The following B4GALNT3 variants were observed in gnomAD, a reference collection of about 807,000 sequenced individuals.
The protein encoded by B4GALNT3 is beta-1,4-N-acetylgalactosaminyltransferase 3.
B4GALNT3 carries 86 observed loss-of-function variants against 120.2 expected under a neutral mutation model. The observed-to-expected ratio is 0.72, with a 90% CI of 0.60 to 0.86. The LOEUF is 0.86. Ranked by LOEUF, B4GALNT3 falls within the 40% of genes least tolerant of loss-of-function variation. The probability of loss-of-function intolerance (pLI) is 0.00; values close to 1 mark genes in which losing one functional copy is unlikely to be tolerated. For synonymous variants in B4GALNT3, 518 were observed against 510.4 expected (o/e 1.01, Z -0.20); for missense variants, 1,167 against 1,298.9 (o/e 0.90, Z 1.56).
chr12:551,918 C>G (rs1377151124), intron 11 of B4GALNT3, 145 bp from the exon 12 acceptor site: 3 of 675,984 alleles, frequency 4.4e-6, no homozygotes, highest in Non-Finnish European at 8.0e-6. Context: ...TCATTCGGCG[C>G]TCAGAGCAAC....
intron 3 of B4GALNT3, among the ~76,000 whole-genome samples, chr12:540,960 G>A (rs2120678967): frequency 6.6e-6 from 1 of 152,234 alleles, no homozygotes; most frequent in African/African-American, 2.4e-5. Flanking sequence ...AGCCAGGATG[G>A]TCTCGATCTC....
chr12:490,280 C>G (rs2120503067), intron 1 of B4GALNT3, among the ~76,000 whole-genome samples: 1 of 151,906 alleles, frequency 6.6e-6, no homozygotes, highest in African/African-American at 2.4e-5. Context: ...AATAGGAAAT[C>G]AGTACAGAAA....
chr12:461,515 TC>T (rs1233939313), intron 1 of B4GALNT3, among the ~76,000 whole-genome samples: 1 of 152,130 alleles, frequency 6.6e-6, no homozygotes, highest in Non-Finnish European at 1.5e-5. Flanking sequence ...ATGGAGAAAC[TC>T]CCGTTACTAC....
chr12:523,037 AAGAG>A (rs1946727327), intron 1 of B4GALNT3, among the ~76,000 whole-genome samples: 1 of 152,140 alleles, frequency 6.6e-6, no homozygotes, highest in South Asian at 2.1e-4. Flanking sequence ...AAATTTAAAA[AAGAG>A]AGAAAGCATT....
Position 545,248 on chromosome 12 carries a change from A to G in B4GALNT3, c.539-121A>G, listed in dbSNP as rs1471792930. The G allele has an allele frequency of 3.4e-6, 5 of 1,471,808 alleles. 1 individual carries two copies. The South Asian group carries it at 6.9e-5, about 20-fold the overall frequency. The allele number at this position is 1,471,808 out of a possible 1,614,324, so 91.2% of individuals were successfully genotyped here. On this transcript the variant is annotated intron_variant, in intron 5 of 19. Transcript: ENST00000266383. ...GGATGTAGAAACCCCCACTTTACAG[A>G]GAGGGAAGCCACAGCATCAAGCACT... is the stretch of plus-strand genomic sequence containing the variant.
intron 1 of B4GALNT3, among the ~76,000 whole-genome samples, chr12:496,362 G>A (rs531135079): frequency 3.3e-5 from 5 of 152,254 alleles, no homozygotes; most frequent in Admixed American, 3.3e-4. Flanking sequence ...CACTTTGGGA[G>A]GCCGAGGTGG....
intron 1 of B4GALNT3, among the ~76,000 whole-genome samples, chr12:533,620 C>T (rs1946829128): frequency 6.6e-6 from 1 of 152,194 alleles, no homozygotes; most frequent in South Asian, 2.1e-4. Flanking sequence ...GCTCTCTGTT[C>T]TGATCCTGCC....
intron 1 of B4GALNT3, among the ~76,000 whole-genome samples, chr12:471,684 G>A (rs1440412484): frequency 1.3e-5 from 2 of 150,970 alleles, no homozygotes; most frequent in Non-Finnish European, 2.9e-5. Flanking sequence ...TACTGCCTGG[G>A]CAACAGAGCA....
At chr12:501,497 CTT>C (rs1437755928) in intron 1 of B4GALNT3, among the ~76,000 whole-genome samples, 1 of 152,168 alleles carries the variant, frequency 6.6e-6, no homozygotes, top group Non-Finnish European at 1.5e-5. Context: ...GGGAAGATCA[CTT>C]GAGCCCAGGA....
At chr12:469,766 T>A (rs78778249) in intron 1 of B4GALNT3, among the ~76,000 whole-genome samples, 11,934 of 152,178 alleles carry the variant, frequency 0.078, 995 homozygotes, top group East Asian at 0.3. Context: ...CTGGGATTTC[T>A]GGGACTAAAA....
intron 1 of B4GALNT3, among the ~76,000 whole-genome samples, chr12:497,902 C>A (rs1946403044): frequency 6.6e-6 from 1 of 152,192 alleles, no homozygotes; most frequent in South Asian, 2.1e-4. Flanking sequence ...CTAACCACTT[C>A]CTAGCCTGTT....
chr12:512,936 C>CCTT, intron 1 of B4GALNT3, among the ~76,000 whole-genome samples: 1 of 150,072 alleles, frequency 6.7e-6, no homozygotes, highest in African/African-American at 2.5e-5. Flanking sequence ...CCACCTTCCA[C>CCTT]CTTCCACCTT....
At position 544,903 on chromosome 12, in the gene B4GALNT3, C is replaced by G. The variant is rs769139954; in HGVS notation, c.469C>G (p.Leu157Val). The change falls in exon 5 of 20, where the codon CTT becomes GTT. Residue 157 changes from leucine (L) to valine (V), a missense_variant. Leu to Val is a conservative substitution (Grantham distance 32). Transcript: ENST00000266383. ...ATAGATTCGCACAACCCTGAGGAAG[C>G]TTGCTGTGTCCCCCAAATGGACCAA... ...YPHIRTTLRK[L>V]AVSPKWTNYG... The G allele has an allele frequency of 6.2e-7, 1 of 1,614,044 alleles. No individual in the cohort carries two copies. The highest frequency in any genetic ancestry group is 8.5e-7 in the Non-Finnish European group (1 of 1,179,952).
chr12:487,734 A>AG, intron 1 of B4GALNT3, among the ~76,000 whole-genome samples: 1 of 151,922 alleles, frequency 6.6e-6, no homozygotes, highest in East Asian at 1.9e-4. Context: ...AAAGAAAGAA[A>AG]AGAAGAAGAA....
chr12:523,259 G>A (rs1175946757), intron 1 of B4GALNT3, among the ~76,000 whole-genome samples: 1 of 152,086 alleles, frequency 6.6e-6, no homozygotes, highest in East Asian at 1.9e-4. Flanking sequence ...AATATGCCAG[G>A]CCTCTCACTA....
At chr12:527,575 A>C (rs565174986) in intron 1 of B4GALNT3, among the ~76,000 whole-genome samples, 20 of 152,296 alleles carry the variant, frequency 1.3e-4, no homozygotes, top group African/African-American at 1.9e-4. Flanking sequence ...GGCCCCACCC[A>C]TATCCATCTG....
At chr12:559,113 CTTAG>C (rs1947193917) in intron 18 of B4GALNT3, among the ~76,000 whole-genome samples, 178 bp from the exon 19 acceptor site, 1 of 152,070 alleles carries the variant, frequency 6.6e-6, no homozygotes, top group Admixed American at 6.5e-5. Flanking sequence ...AGCCCTGAAC[CTTAG>C]TTAGGGGTCT....
chr12:469,559 CTT>C (rs1382980838), intron 1 of B4GALNT3, among the ~76,000 whole-genome samples: 1 of 152,134 alleles, frequency 6.6e-6, no homozygotes, highest in Non-Finnish European at 1.5e-5. Flanking sequence ...TCTTCAATCA[CTT>C]TTTTCCTCCA....
intron 1 of B4GALNT3, among the ~76,000 whole-genome samples, chr12:473,908 G>A (rs1221550524): frequency 3.3e-5 from 5 of 152,188 alleles, no homozygotes; most frequent in Admixed American, 6.5e-5. Context: ...ATCGCACAAA[G>A]GGACTAGCTT....
Sources: gnomAD v4.1 joint callset for allele counts (sites outside exome capture counted in the v4.1 genomes callset) on GRCh38, gnomAD v4.1.1 for gene constraint, MANE v1.5 for transcripts, NCBI Gene and HGNC (gene_info 2026-07-23, HGNC 2026-07-21) for gene names.